GRK5: variants seen among roughly 807,000 people sequenced by gnomAD.
The protein encoded by GRK5 is g protein-coupled receptor kinase GRK5.
In GRK5, 40 loss-of-function variants were observed where a neutral mutation model predicts 78.4. The ratio of observed to expected loss-of-function variants is 0.51; its 90% CI spans 0.40 to 0.66. The LOEUF (loss-of-function observed/expected upper bound fraction) is 0.66, where lower values mean the gene tolerates loss of function less well. Ranked by LOEUF, GRK5 falls within the 30% of genes least tolerant of loss-of-function variation. GRK5 has a pLI of 0.00. For missense variants in GRK5, 598 were observed against 759.9 expected, an observed-to-expected ratio of 0.79 and a Z score of 2.50; for synonymous variants, 289 against 296.8, an observed-to-expected ratio of 0.97 and a Z score of 0.27.
intron 4 of GRK5, among the ~76,000 whole-genome samples, chr10:119,422,314 C>G (rs1013153615): frequency 6.6e-6 from 1 of 152,198 alleles, no homozygotes; most frequent in Non-Finnish European, 1.5e-5. Context: ...AATACTCAGG[C>G]CAGCAGCTTA....
chr10:119,232,690 A>C (rs1848850284), intron 1 of GRK5, among the ~76,000 whole-genome samples: 1 of 152,162 alleles, frequency 6.6e-6, no homozygotes, highest in African/African-American at 2.4e-5. Flanking sequence ...CCATCCATGT[A>C]AGACGTGACT....
intron 1 of GRK5, among the ~76,000 whole-genome samples, chr10:119,309,729 C>G (rs567980267): frequency 6.6e-6 from 1 of 152,170 alleles, no homozygotes; most frequent in Non-Finnish European, 1.5e-5. Context: ...TCTACAGGTG[C>G]CTCTGTGCTG....
rs532959484 is a variant in GRK5, at chr10:119,432,629, A to G, written c.738+1102A>G. Among the ~76,000 whole-genome samples the G allele has an allele frequency of 2.9e-4, 44 of 152,304 alleles. No individual in the cohort carries two copies. The South Asian group carries it at 8.3e-3, about 29-fold the overall frequency. On this transcript the variant is annotated intron_variant, in intron 8 of 15. Transcript: ENST00000392870. ...TGGGATCTTCCTGTACCTCTTATGG[A>G]GGAATGTTTTTCCCTTACATTGTAG...
At chr10:119,442,878 ATAGG>A (rs1195175387) in intron 11 of GRK5, among the ~76,000 whole-genome samples, 6 of 152,110 alleles carry the variant, frequency 3.9e-5, no homozygotes, top group Admixed American at 1.3e-4. Flanking sequence ...TCGATGATTG[ATAGG>A]TAGGCGGGTG....
At chr10:119,261,186 C>T (rs1428858550) in intron 1 of GRK5, among the ~76,000 whole-genome samples, 8 of 144,398 alleles carry the variant, frequency 5.5e-5, no homozygotes, top group Non-Finnish European at 1.2e-4. Context: ...TCAAACGGGG[C>T]GGCTGCCGGG....
intron 1 of GRK5, among the ~76,000 whole-genome samples, chr10:119,305,567 T>C (rs2420614): frequency 0.32 from 48,590 of 151,992 alleles, 8,523 homozygotes; most frequent in East Asian, 0.75. Flanking sequence ...GGGAGAGAGC[T>C]GTGTGGGTAT....
At chr10:119,249,561 G>A (rs190364946) in intron 1 of GRK5, among the ~76,000 whole-genome samples, 21 of 152,012 alleles carry the variant, frequency 1.4e-4, no homozygotes, top group Admixed American at 1.1e-3. Context: ...GCAATGGCGC[G>A]ATCTCGGCTC....
chr10:119,229,576 T>A (rs879458710), intron 1 of GRK5, among the ~76,000 whole-genome samples: 14 of 152,150 alleles, frequency 9.2e-5, no homozygotes, highest in African/African-American at 3.1e-4. Flanking sequence ...CTGGCTGGGG[T>A]ACTTCAGGAA....
At chr10:119,399,717 G>C (rs1372361965) in intron 4 of GRK5, among the ~76,000 whole-genome samples, 1 of 152,178 alleles carries the variant, frequency 6.6e-6, no homozygotes, top group Non-Finnish European at 1.5e-5. Context: ...TGTTACCAAA[G>C]CATTTCTCAA....
rs1853404817 is a variant in GRK5 at position 119,456,478 on chromosome 10, G to A, written c.*1411G>A. 2 of 152,262 alleles carry A rather than the reference G, an allele frequency of 1.3e-5. No homozygotes were observed. Among genetic ancestry groups the A allele is most frequent in the African/African-American group, 2.4e-5 (1 of 41,446 alleles). 9.4% of individuals were successfully genotyped at this position (152,262 alleles called of 1,614,324 possible). A position where few individuals can be genotyped will look rare whatever the true frequency, so the allele number is the denominator to read the frequency against. Reference sequence around the variant, plus strand: ...GCAGCTGGCCACCTCCTCCTGCCTCGAAGAAGTGACCAGGGGCCAATCTGC... The same window carrying A: ...GCAGCTGGCCACCTCCTCCTGCCTCAAAGAAGTGACCAGGGGCCAATCTGC... On this transcript the variant is annotated 3_prime_UTR_variant, in exon 16 of 16. Transcript: ENST00000392870. This position sits in a 1 kb window ranked among gnomAD's most constrained non-coding sequence, Gnocchi z 5.5.
At chr10:119,325,497 G>A (rs1447897615) in intron 1 of GRK5, among the ~76,000 whole-genome samples, 2 of 152,130 alleles carry the variant, frequency 1.3e-5, no homozygotes, top group Non-Finnish European at 2.9e-5. Flanking sequence ...GCAAGCAGAC[G>A]AGCTACATAA....
At chr10:119,292,199 T>C (rs1016458583) in intron 1 of GRK5, among the ~76,000 whole-genome samples, 415 of 18,842 alleles carry the variant, frequency 0.022, 1 homozygote, top group Admixed American at 0.032. Flanking sequence ...TCTTCCTCCT[T>C]CTCCTATTCC....
chr10:119,387,951 AAG>A (rs1419053329), intron 3 of GRK5, among the ~76,000 whole-genome samples: 1 of 40,978 alleles, frequency 2.4e-5, no homozygotes, highest in Non-Finnish European at 6.9e-5. Context: ...AAAAATAAAG[AAG>A]ATTTTTTTTT....
intron 2 of GRK5, among the ~76,000 whole-genome samples, chr10:119,341,407 G>A (rs1312166337): frequency 6.6e-6 from 1 of 152,184 alleles, no homozygotes; most frequent in Admixed American, 6.6e-5. Flanking sequence ...TCCTGACTTA[G>A]CCATTCCTTC....
rs541895309 is a variant in GRK5, at chr10:119,267,371, C to T, written c.53-59145C>T. Among the ~76,000 whole-genome samples, 1 of 152,202 alleles carries T rather than the reference C, an allele frequency of 6.6e-6. No individual in the cohort carries two copies. The highest frequency in any genetic ancestry group is 1.5e-5 in the Non-Finnish European group (1 of 68,040). On this transcript the variant is annotated intron_variant, in intron 1 of 15. Coordinates refer to ENST00000392870, the MANE Select transcript of GRK5 (RefSeq NM_005308.3). This position sits in a 1 kb window ranked among gnomAD's most constrained non-coding sequence, Gnocchi z 4.1. ...GTGTGGGATTACAGGTGTGAGCCAC[C>T]GTGCCTAGCTGTGTTTTGTTGTCTG...
chr10:119,311,897 A>C (rs1265570644), intron 1 of GRK5, among the ~76,000 whole-genome samples: 1 of 148,878 alleles, frequency 6.7e-6, no homozygotes, highest in Non-Finnish European at 1.5e-5. Context: ...AGTGTACTGA[A>C]TGCTACTGAA....
chr10:119,370,391 C>T lies in GRK5; in HGVS notation c.149-10424C>T, dbSNP rs1401644700. 4.6e-5 allele frequency among the ~76,000 whole-genome samples: 7 copies of T among 152,270 alleles called. No individual in the cohort carries two copies. In the East Asian group the frequency reaches 5.8e-4, roughly 13 times the overall value. Reference sequence around the variant, plus strand: ...AACATGTGACAAGCACAAGACATTCCGTAAAACTAGAGCCCAGAACGAGAG... The same window carrying T: ...AACATGTGACAAGCACAAGACATTCTGTAAAACTAGAGCCCAGAACGAGAG... On this transcript the variant is annotated intron_variant, in intron 2 of 15. Transcript: ENST00000392870.
At chr10:119,259,916 G>A (rs1464878751) in intron 1 of GRK5, among the ~76,000 whole-genome samples, 1 of 152,086 alleles carries the variant, frequency 6.6e-6, no homozygotes, top group Non-Finnish European at 1.5e-5. Context: ...AAGCATTCAC[G>A]AACAGCTTTT....
At chr10:119,419,496 C>T (rs1444118200) in intron 4 of GRK5, among the ~76,000 whole-genome samples, 4 of 152,242 alleles carry the variant, frequency 2.6e-5, no homozygotes, top group Non-Finnish European at 5.9e-5. Context: ...AGGTGTCACT[C>T]CCTGGAGGCA....
Sources: allele counts gnomAD v4.1 joint callset (sites outside exome capture counted in the v4.1 genomes callset), GRCh38; gene constraint gnomAD v4.1.1; non-coding constraint Gnocchi (gnomAD v3.1); transcripts MANE v1.5; gene names NCBI Gene and HGNC (gene_info 2026-07-23, HGNC 2026-07-21).